HS3ST5: variants seen among roughly 807,000 people sequenced by gnomAD.
HS3ST5 encodes heparan sulfate glucosamine 3-O-sulfotransferase 5.
A neutral mutation model predicts 25.4 loss-of-function variants in HS3ST5; 10 were observed. That is an observed-to-expected ratio of 0.39 (90% CI 0.24 to 0.67). HS3ST5 has a LOEUF of 0.67. Ranked by LOEUF, HS3ST5 falls within the 30% of genes least tolerant of loss-of-function variation. The pLI is 0.44. For missense variants in HS3ST5, 324 were observed against 420.7 expected (o/e 0.77, Z 2.01); for synonymous variants, 170 against 162.4 (o/e 1.05, Z -0.36).
chr6:114,130,089 A>G (rs1318525578), intron 3 of HS3ST5, among the ~76,000 whole-genome samples: 1 of 152,246 alleles, frequency 6.6e-6, no homozygotes, highest in Non-Finnish European at 1.5e-5. Context: ...ATAACAAGCC[A>G]CATCTATTGG....
At chr6:114,200,147 G>C (rs944323570) in intron 2 of HS3ST5, among the ~76,000 whole-genome samples, 6 of 152,210 alleles carry the variant, frequency 3.9e-5, no homozygotes, top group African/African-American at 1.4e-4. Context: ...AACCCTGGAG[G>C]TGGAGGTTGC....
chr6:114,082,402 T>C (rs1355994919), intron 3 of HS3ST5, among the ~76,000 whole-genome samples: 1 of 152,226 alleles, frequency 6.6e-6, no homozygotes, highest in Non-Finnish European at 1.5e-5. Context: ...AGTCATTTAG[T>C]GTTCAGTAAA....
At chr6:114,232,218 T>C (rs1302328575) in intron 1 of HS3ST5, among the ~76,000 whole-genome samples, 1 of 152,156 alleles carries the variant, frequency 6.6e-6, no homozygotes, top group African/African-American at 2.4e-5. Flanking sequence ...AATGAGAGAA[T>C]CCTAAATCGA....
At chr6:114,058,304 G>T in intron 4 of HS3ST5, 114 bp from the exon 5 acceptor site, 1 of 735,278 alleles carries the variant, frequency 1.4e-6, no homozygotes, top group Non-Finnish European at 2.2e-6. Context: ...TTCCCAGCCT[G>T]CTGCAATCCA....
At position 114,168,355 on chromosome 6, in the gene HS3ST5, A is replaced by G. The variant is rs765490076; in HGVS notation, c.-37T>C. 3 of 152,188 alleles carry G rather than the reference A, an allele frequency of 2.0e-5. No individual in the cohort carries two copies. The highest frequency in any genetic ancestry group is 1.9e-4 in the East Asian group (1 of 5,170). The allele number at this position is 152,188 out of a possible 1,614,324, so 9.4% of individuals were successfully genotyped here. On this transcript the variant is annotated 5_prime_UTR_variant, in exon 3 of 5. An upstream start codon of the reference 5' UTR is lost. Transcript: ENST00000312719. ...AGAAGTCTTCGGCACACATACCTAC[A>G]TTCAGACAGGTCCCTATTATTCCAG...
intron 3 of HS3ST5, among the ~76,000 whole-genome samples, chr6:114,094,884 C>T (rs1012336493): frequency 1.3e-5 from 2 of 152,154 alleles, no homozygotes; most frequent in Admixed American, 6.6e-5. Context: ...ACTGTGGACT[C>T]TCTATCTCTG....
At chr6:114,206,194 T>C (rs1781270726) in intron 2 of HS3ST5, among the ~76,000 whole-genome samples, 1 of 152,222 alleles carries the variant, frequency 6.6e-6, no homozygotes, top group African/African-American at 2.4e-5. Flanking sequence ...TATTTTTTAT[T>C]GTACTACACA....
chr6:114,084,534 C>T, intron 3 of HS3ST5: 1 of 759,212 alleles, frequency 1.3e-6, no homozygotes, highest in Admixed American at 1.7e-5. Flanking sequence ...GCGTCCACCG[C>T]ATCACACCCG....
intron 1 of HS3ST5, among the ~76,000 whole-genome samples, chr6:114,262,285 C>G (rs975067184): frequency 2.0e-5 from 3 of 152,194 alleles, no homozygotes; most frequent in East Asian, 3.8e-4. Context: ...CGGTGGCTCA[C>G]GCCTGCAATC....
chr6:114,275,701 G>T (rs1391207951), intron 1 of HS3ST5, among the ~76,000 whole-genome samples: 1 of 152,016 alleles, frequency 6.6e-6, no homozygotes, highest in Non-Finnish European at 1.5e-5. Flanking sequence ...CACAGCACAT[G>T]AATAGGTATG....
At chr6:114,099,859 T>C (rs1775635635) in intron 3 of HS3ST5, among the ~76,000 whole-genome samples, 2 of 152,116 alleles carry the variant, frequency 1.3e-5, no homozygotes, top group African/African-American at 4.8e-5. Flanking sequence ...CAAAGCTGCA[T>C]GATTATTATG....
rs143129618 is a variant in HS3ST5, at chr6:114,201,874, T to C, written c.-145+26711A>G. 2.9e-3 allele frequency among the ~76,000 whole-genome samples: 447 copies of C among 152,206 alleles called. 1 individual carries two copies. Among genetic ancestry groups the C allele is most frequent in the Non-Finnish European group, 4.8e-3 (323 of 67,998 alleles). On this transcript the variant is annotated intron_variant, in intron 2 of 4. Transcript: ENST00000312719. ...TTTACATGGTGGCAGCAAGAGGTGC[T>C]GAGCAAAAGGGAGAAAAGCCCCTTA...
At chr6:114,216,551 T>C (rs1353843555) in intron 2 of HS3ST5, among the ~76,000 whole-genome samples, 1 of 152,120 alleles carries the variant, frequency 6.6e-6, no homozygotes, top group Non-Finnish European at 1.5e-5. Context: ...TATCCTCTCA[T>C]TGCATATTCA....
intron 2 of HS3ST5, chr6:114,178,512 G>T (rs928708815): frequency 4.6e-5 from 7 of 152,188 alleles, no homozygotes; most frequent in African/African-American, 1.4e-4. Context: ...AACACTAAAA[G>T]GTTCCCAGAG....
At chr6:114,306,029 T>C (rs976741513) in intron 1 of HS3ST5, among the ~76,000 whole-genome samples, 2 of 152,072 alleles carry the variant, frequency 1.3e-5, no homozygotes, top group African/African-American at 4.8e-5. Context: ...CAAAGTCGCA[T>C]TCCTGTACAA....
chr6:114,261,779 T>C (rs1284773810), intron 1 of HS3ST5, among the ~76,000 whole-genome samples: 1 of 152,204 alleles, frequency 6.6e-6, no homozygotes, highest in Non-Finnish European at 1.5e-5. Context: ...GGACAAAGCC[T>C]CCTCCAGGCC....
At chr6:114,156,405 AC>A (rs1378560613) in intron 3 of HS3ST5, among the ~76,000 whole-genome samples, 2 of 152,190 alleles carry the variant, frequency 1.3e-5, no homozygotes, top group Non-Finnish European at 2.9e-5. Flanking sequence ...GTGATGGAAA[AC>A]CTGTTGTGAT....
At position 114,057,375 on chromosome 6, in the gene HS3ST5, C is replaced by T; in HGVS notation, c.923G>A (p.Ser308Asn). ...NIIFNKCLAG[S>N]KGRIHPEVDP... ...CACCTCTGGATGAATGCGCCCCTTG[C>T]TGCCCGCCAGGCACTTATTAAAGAT... Residue 308 changes from serine to asparagine, a missense_variant, in exon 5 of 5, where the codon AGC becomes AAC. Coordinates refer to ENST00000312719, the MANE Select transcript of HS3ST5 (RefSeq NM_153612.4). The T allele has an allele frequency of 6.2e-7, 1 of 1,614,120 alleles. No individual in the cohort carries two copies. Among genetic ancestry groups the T allele is most frequent in the Non-Finnish European group, 8.5e-7 (1 of 1,180,000 alleles).
intron 1 of HS3ST5, chr6:114,235,577 G>C (rs1191909249): frequency 6.6e-6 from 1 of 152,174 alleles, no homozygotes; most frequent in Non-Finnish European, 1.5e-5. Context: ...TACAGGAAGG[G>C]GAGGGCTAGA....
Sources: gnomAD v4.1 joint callset for allele counts (sites outside exome capture counted in the v4.1 genomes callset) on GRCh38, gnomAD v4.1.1 for gene constraint, MANE v1.5 for transcripts, NCBI Gene and HGNC (gene_info 2026-07-23, HGNC 2026-07-21) for gene names.